CMSS1: variants seen among roughly 807,000 people sequenced by gnomAD.
CMSS1 encodes the protein protein CMSS1.
Under a neutral mutation model 43.5 loss-of-function variants are expected in CMSS1, and 33 were observed. The observed-to-expected ratio is 0.76, with a 90% CI of 0.57 to 1.01. The LOEUF is 1.01. Ranked by LOEUF, CMSS1 falls within the 50% of genes least tolerant of loss-of-function variation. The pLI is 0.00. For missense variants in CMSS1, 313 were observed against 326.4 expected (o/e 0.96, Z 0.32); for synonymous variants, 115 against 117.2 (o/e 0.98, Z 0.12).
chr3:100,007,390 G>A (rs957451251), intron 1 of CMSS1, among the ~76,000 whole-genome samples: 1 of 152,078 alleles, frequency 6.6e-6, no homozygotes, highest in Non-Finnish European at 1.5e-5. Flanking sequence ...GCCATGGCTC[G>A]CTAATGCATT....
intron 1 of CMSS1, among the ~76,000 whole-genome samples, chr3:99,948,580 A>G (rs1303640713): frequency 6.9e-6 from 1 of 145,064 alleles, no homozygotes; most frequent in Non-Finnish European, 1.5e-5. Context: ...GAAGGAGAAG[A>G]AAGGAGGGAG....
intron 1 of CMSS1, among the ~76,000 whole-genome samples, chr3:99,825,775 C>CTTTTTTTTTTTTTTTT (rs897686337): frequency 7.4e-5 from 9 of 121,604 alleles, no homozygotes; most frequent in East Asian, 4.5e-4. Context: ...TTTTCTTTTT[C>CTTTTTTTTTTTTTTTT]TTTTTTTTTT....
intron 1 of CMSS1, among the ~76,000 whole-genome samples, chr3:99,993,410 A>G (rs769529222): frequency 2.8e-4 from 43 of 152,088 alleles, no homozygotes; most frequent in Non-Finnish European, 3.2e-4. Flanking sequence ...ATATAAGATC[A>G]TATCAGCAGC....
intron 1 of CMSS1, among the ~76,000 whole-genome samples, chr3:99,984,048 A>ATGTGTGTGTG (rs367846393): frequency 2.6e-4 from 38 of 147,680 alleles, no homozygotes; most frequent in Non-Finnish European, 2.2e-4. Flanking sequence ...AAGGATGTAT[A>ATGTGTGTGTG]TGTATGTGTG....
At chr3:100,115,656 C>G (rs893611250) in intron 1 of CMSS1, among the ~76,000 whole-genome samples, 1 of 140,466 alleles carries the variant, frequency 7.1e-6, no homozygotes, top group African/African-American at 2.7e-5. Context: ...TCCTTTCCAC[C>G]CGTGAGTTTA....
intron 6 of CMSS1, among the ~76,000 whole-genome samples, chr3:100,171,118 A>C (rs1300491063): frequency 6.6e-6 from 1 of 151,978 alleles, no homozygotes; most frequent in African/African-American, 2.4e-5. Context: ...AGATCACCTC[A>C]TTTACAATAA....
intron 2 of CMSS1, among the ~76,000 whole-genome samples, chr3:100,157,208 C>T (rs1010945481): frequency 1.3e-5 from 2 of 152,100 alleles, no homozygotes; most frequent in African/African-American, 4.8e-5. Context: ...AAGCCTTCCT[C>T]GTTTATTTTT....
At chr3:100,176,862 A>G (rs1224120884) in intron 9 of CMSS1, among the ~76,000 whole-genome samples, 1 of 152,188 alleles carries the variant, frequency 6.6e-6, no homozygotes, top group Admixed American at 6.5e-5. Context: ...ATTTAGAAAG[A>G]TATTTTGGTT....
intron 1 of CMSS1, among the ~76,000 whole-genome samples, chr3:99,863,088 T>G (rs1436945619): frequency 6.6e-6 from 1 of 152,170 alleles, no homozygotes; most frequent in Non-Finnish European, 1.5e-5. Context: ...GGGACCAGTT[T>G]TGTCAAAGAC....
chr3:99,976,105 G>A (rs1049067362), intron 1 of CMSS1, among the ~76,000 whole-genome samples: 1 of 151,844 alleles, frequency 6.6e-6, no homozygotes. Context: ...GGCTGGTCTC[G>A]AACTTTTGAC....
At chr3:99,929,257 C>A (rs886702038) in intron 1 of CMSS1, among the ~76,000 whole-genome samples, 1 of 152,176 alleles carries the variant, frequency 6.6e-6, no homozygotes, top group Admixed American at 6.5e-5. Flanking sequence ...GACTGCCCAC[C>A]TTTGCCGTTG....
chr3:99,825,658 C>T (rs2107477885), intron 1 of CMSS1, among the ~76,000 whole-genome samples: 1 of 152,106 alleles, frequency 6.6e-6, no homozygotes, highest in South Asian at 2.1e-4. Flanking sequence ...CCATGAATCT[C>T]TTGAAAAATA....
intron 6 of CMSS1, among the ~76,000 whole-genome samples, chr3:100,170,403 G>A (rs2067100574): frequency 6.6e-6 from 1 of 152,210 alleles, no homozygotes; most frequent in Non-Finnish European, 1.5e-5. Context: ...AAAATTAGGT[G>A]AAGCGAGCTA....
chr3:100,139,793 A>G (rs1160802100), intron 1 of CMSS1, among the ~76,000 whole-genome samples: 1 of 120,752 alleles, frequency 8.3e-6, no homozygotes, highest in Non-Finnish European at 1.8e-5. Context: ...GCAAAACTCC[A>G]TCTCAAAAAA....
At chr3:99,971,138 C>A (rs1027227552) in intron 1 of CMSS1, among the ~76,000 whole-genome samples, 1 of 152,108 alleles carries the variant, frequency 6.6e-6, no homozygotes, top group Non-Finnish European at 1.5e-5. Context: ...GAGATCGAGA[C>A]CATCCTGGCT....
rs114308646 is a variant in CMSS1 at position 100,002,592 on chromosome 3, C to G, written c.65-144381C>G. Among the ~76,000 whole-genome samples the G allele has an allele frequency of 2.7e-3, 415 of 152,278 alleles. 2 individuals are homozygous for G. The highest frequency in any genetic ancestry group is 9.5e-3 in the African/African-American group (395 of 41,562). ...ATAAAAAGTAAAGCTGATTTTATGC[C>G]TAGCTTTTAAAACCAAATGCATATC... On this transcript the variant is annotated intron_variant, in intron 1 of 9. Transcript: ENST00000421999.
At chr3:99,882,785 A>G (rs563422017) in intron 1 of CMSS1, among the ~76,000 whole-genome samples, 1 of 152,354 alleles carries the variant, frequency 6.6e-6, no homozygotes, top group African/African-American at 2.4e-5. Context: ...AGCTTATACT[A>G]ACTGCAAAAC....
intron 1 of CMSS1, among the ~76,000 whole-genome samples, chr3:100,077,600 A>G (rs1192580237): frequency 6.6e-6 from 1 of 152,210 alleles, no homozygotes; most frequent in Non-Finnish European, 1.5e-5. Context: ...ATAGTAAAAC[A>G]GTACAGAATG....
At chr3:100,058,652 C>T (rs139416417) in intron 1 of CMSS1, among the ~76,000 whole-genome samples, 1 of 152,252 alleles carries the variant, frequency 6.6e-6, no homozygotes, top group African/African-American at 2.4e-5. Flanking sequence ...AGCACCTCAC[C>T]ACAAACTGAC....
Sources: gnomAD v4.1 joint callset for allele counts (sites outside exome capture counted in the v4.1 genomes callset) on GRCh38, gnomAD v4.1.1 for gene constraint, MANE v1.5 for transcripts, NCBI Gene and HGNC (gene_info 2026-07-23, HGNC 2026-07-21) for gene names.